The following GMDS variants were observed in gnomAD, a reference collection of about 807,000 sequenced individuals.
GMDS encodes the protein GDP-mannose 4,6-dehydratase.
In GMDS, 20 loss-of-function variants were observed where a neutral mutation model predicts 49.9. The ratio of observed to expected loss-of-function variants is 0.40; its 90% confidence interval spans 0.28 to 0.58. The LOEUF is 0.58. Ranked by LOEUF, GMDS falls within the 20% of genes least tolerant of loss-of-function variation. GMDS has a pLI of 0.42. For synonymous variants in GMDS, 177 were observed against 178.6 expected (o/e 0.99, Z 0.07); for missense variants, 362 against 481.4 (o/e 0.75, Z 2.32).
chr6:1,828,588 G>T (rs745576970), intron 7 of GMDS, among the ~76,000 whole-genome samples: 7 of 152,170 alleles, frequency 4.6e-5, no homozygotes, highest in Non-Finnish European at 1.0e-4. Flanking sequence ...ATGATTATCA[G>T]CCATTTTCTC....
intron 9 of GMDS, among the ~76,000 whole-genome samples, chr6:1,722,376 C>T (rs918766735): frequency 2.6e-5 from 4 of 151,756 alleles, no homozygotes; most frequent in South Asian, 2.1e-4. Context: ...TGTGAGCCAC[C>T]GCGCCCGGCC....
At chr6:1,692,282 G>A (rs937876692) in intron 9 of GMDS, among the ~76,000 whole-genome samples, 11 of 152,294 alleles carry the variant, frequency 7.2e-5, no homozygotes, top group South Asian at 2.1e-4. Flanking sequence ...CTGGTTCCTC[G>A]GCTTGCAGAC....
chr6:1,800,642 T>A (rs1769913331), intron 7 of GMDS, among the ~76,000 whole-genome samples: 1 of 151,252 alleles, frequency 6.6e-6, no homozygotes, highest in Non-Finnish European at 1.5e-5. Flanking sequence ...TTTTTTTTTT[T>A]AAGCAGAGAT....
intron 9 of GMDS, among the ~76,000 whole-genome samples, chr6:1,645,232 C>A (rs191830100): frequency 1.3e-5 from 2 of 152,186 alleles, no homozygotes; most frequent in Admixed American, 6.5e-5. Context: ...CCGCGCCCAG[C>A]CTGCTTGATT....
intron 7 of GMDS, among the ~76,000 whole-genome samples, chr6:1,828,858 C>A (rs548385110): frequency 1.3e-5 from 2 of 152,246 alleles, no homozygotes; most frequent in East Asian, 3.9e-4. Context: ...GGGTGCCAAA[C>A]CCCTGCACTG....
intron 7 of GMDS, among the ~76,000 whole-genome samples, chr6:1,758,854 C>T (rs553422632): frequency 2.6e-5 from 4 of 152,212 alleles, no homozygotes; most frequent in East Asian, 1.9e-4. Flanking sequence ...GTGGATCACC[C>T]GAGGTCAGGA....
rs565861763 is a variant in GMDS, at chr6:1,688,663, T to C, written c.987+37753A>G. On this transcript the variant is annotated intron_variant, in intron 9 of 10. Coordinates refer to ENST00000380815, the MANE Select transcript of GMDS (RefSeq NM_001500.4). Reference sequence around the variant, plus strand: ...TTTGCCTGGGGACTTAATACTCCCATGTAGAGTTTAATTTATGTTAAACGT... The same window carrying C: ...TTTGCCTGGGGACTTAATACTCCCACGTAGAGTTTAATTTATGTTAAACGT... Among the ~76,000 whole-genome samples, 9 of 152,330 alleles carry C rather than the reference T, an allele frequency of 5.9e-5. No individual in the cohort carries two copies. The South Asian group carries it at 1.4e-3, about 25-fold the overall frequency.
Position 1,725,559 on chromosome 6 carries a change from G to A in GMDS, c.987+857C>T, listed in dbSNP as rs576823420. Among the ~76,000 whole-genome samples the A allele has an allele frequency of 1.1e-4, 16 of 152,076 alleles. 1 individual carries two copies. The highest frequency in any genetic ancestry group is 9.2e-4 in the Admixed American group (14 of 15,278). ...AGCGATTCTCCTGCCTCAGCCTCCCGAGTAGTGGGGATTACAGGCATGCGC... is the reference window on the plus strand; with the variant it reads ...AGCGATTCTCCTGCCTCAGCCTCCCAAGTAGTGGGGATTACAGGCATGCGC... On this transcript the variant is annotated intron_variant, in intron 9 of 10. Transcript: ENST00000380815.
intron 7 of GMDS, among the ~76,000 whole-genome samples, chr6:1,757,971 G>A (rs941200763): frequency 6.6e-6 from 1 of 152,166 alleles, no homozygotes; most frequent in Non-Finnish European, 1.5e-5. Context: ...TATGTACCAA[G>A]ACTTTGAAGT....
At chr6:1,639,393 C>T (rs1321187794) in intron 9 of GMDS, among the ~76,000 whole-genome samples, 2 of 152,268 alleles carry the variant, frequency 1.3e-5, no homozygotes, top group African/African-American at 2.4e-5. Context: ...TTGTGAGGAA[C>T]GAGCAGAAGG....
At chr6:1,917,284 G>A (rs1196048872) in intron 7 of GMDS, among the ~76,000 whole-genome samples, 1 of 152,224 alleles carries the variant, frequency 6.6e-6, no homozygotes, top group Non-Finnish European at 1.5e-5. Context: ...ACATGGCACA[G>A]TATCATGGTA....
At chr6:2,159,226 A>T (rs1004320917) in intron 1 of GMDS, among the ~76,000 whole-genome samples, 1 of 152,122 alleles carries the variant, frequency 6.6e-6, no homozygotes, top group Admixed American at 6.6e-5. Context: ...GAGGGGGAGG[A>T]GACAGAGGGG....
intron 7 of GMDS, among the ~76,000 whole-genome samples, chr6:1,916,118 A>G (rs1761377161): frequency 1.3e-5 from 2 of 152,184 alleles, no homozygotes; most frequent in Admixed American, 6.5e-5. Flanking sequence ...TCAATATACA[A>G]TCATGGTTTT....
chr6:1,907,484 A>C (rs1210998973), intron 7 of GMDS, among the ~76,000 whole-genome samples: 3 of 152,200 alleles, frequency 2.0e-5, no homozygotes, highest in African/African-American at 7.2e-5. Flanking sequence ...ACCTTGGGCC[A>C]ATACAGTATT....
intron 8 of GMDS, among the ~76,000 whole-genome samples, chr6:1,729,489 A>C (rs1766714209): frequency 6.6e-6 from 1 of 152,250 alleles, no homozygotes; most frequent in African/African-American, 2.4e-5. Context: ...TCAAAGCTGA[A>C]TTGAGTTGGC....
At chr6:1,839,436 G>A (rs1271451665) in intron 7 of GMDS, among the ~76,000 whole-genome samples, 1 of 152,128 alleles carries the variant, frequency 6.6e-6, no homozygotes, top group Non-Finnish European at 1.5e-5. Flanking sequence ...GTTGTTAGCT[G>A]TCAAATTTAT....
intron 4 of GMDS, among the ~76,000 whole-genome samples, chr6:2,068,687 T>C (rs1320289985): frequency 1.3e-5 from 2 of 151,912 alleles, no homozygotes; most frequent in Non-Finnish European, 2.9e-5. Flanking sequence ...GAGAATAAAA[T>C]ACCTAGGAAT....
intron 9 of GMDS, among the ~76,000 whole-genome samples, chr6:1,698,213 G>A (rs897420977): frequency 6.6e-6 from 1 of 152,090 alleles, no homozygotes; most frequent in African/African-American, 2.4e-5. Context: ...CTTGGTGAAT[G>A]TATACTTTAG....
Position 1,778,630 on chromosome 6 carries a change from A to G in GMDS, c.772-36044T>C, listed in dbSNP as rs1768940720. Among the ~76,000 whole-genome samples, 1 of 152,218 alleles carries G rather than the reference A, an allele frequency of 6.6e-6. No individual in the cohort carries two copies. The highest frequency in any genetic ancestry group is 1.5e-5 in the Non-Finnish European group (1 of 68,038). On this transcript the variant is annotated intron_variant, in intron 7 of 10. Transcript: ENST00000380815. The surrounding 1 kb of genome is among the most constrained non-coding windows in gnomAD (Gnocchi z 4.6). ...GTAACATTAGTTAACGTGGCCCTCC[A>G]TTAATTTTCACTATAACCTCTGAAG...
Sources: gnomAD v4.1 joint callset for allele counts (sites outside exome capture counted in the v4.1 genomes callset) on GRCh38, gnomAD v4.1.1 for gene constraint, Gnocchi (gnomAD v3.1) non-coding constraint, MANE v1.5 for transcripts, NCBI Gene and HGNC (gene_info 2026-07-23, HGNC 2026-07-21) for gene names.